Variants in GRM8 observed in about 807,000 individuals in gnomAD.
GRM8 encodes glutamate metabotropic receptor 8.
GRM8 carries 47 observed loss-of-function variants against 87.2 expected under a neutral mutation model. The ratio of observed to expected loss-of-function variants is 0.54; its 90% CI spans 0.43 to 0.69. The LOEUF (loss-of-function observed/expected upper bound fraction) is 0.69. GRM8 is among the 30% of genes least tolerant of loss of function. The probability of loss-of-function intolerance (pLI) is 0.00; values close to 1 mark genes in which losing one functional copy is unlikely to be tolerated. For missense variants in GRM8, 1,019 were observed against 1,139.2 expected (o/e 0.89, Z 1.52); for synonymous variants, 396 against 404.5 (o/e 0.98, Z 0.25).
chr7:126,512,006 A>T (rs1296359378), intron 9 of GRM8: 2 of 152,130 alleles, frequency 1.3e-5, no homozygotes, highest in Non-Finnish European at 2.9e-5. Context: ...GCTGAGTCTC[A>T]AAATTAAGGA....
At chr7:126,483,496 A>C (rs1432093052) in intron 9 of GRM8, among the ~76,000 whole-genome samples, 1 of 107,152 alleles carries the variant, frequency 9.3e-6, no homozygotes, top group Non-Finnish European at 1.7e-5. Context: ...TTCCTTCATC[A>C]TGATGCATTG....
intron 3 of GRM8, among the ~76,000 whole-genome samples, chr7:127,071,628 C>T (rs754679980): frequency 3.1e-4 from 47 of 152,248 alleles, no homozygotes; most frequent in African/African-American, 8.7e-4. Flanking sequence ...GCAACTCAGA[C>T]GTTTTTCCTA....
chr7:126,680,765 C>A (rs752121099), intron 7 of GRM8, among the ~76,000 whole-genome samples: 1 of 152,146 alleles, frequency 6.6e-6, no homozygotes, highest in Non-Finnish European at 1.5e-5. Context: ...TTGTGGTTTT[C>A]CCAGAAATAT....
At chr7:126,953,227 C>T (rs1345420958) in intron 3 of GRM8, among the ~76,000 whole-genome samples, 4 of 151,994 alleles carry the variant, frequency 2.6e-5, no homozygotes, top group Non-Finnish European at 5.9e-5. Context: ...AAAATTATAC[C>T]GGGGAAACCA....
chr7:126,650,656 T>A (rs1447844439), intron 7 of GRM8, among the ~76,000 whole-genome samples: 3 of 151,786 alleles, frequency 2.0e-5, no homozygotes. Context: ...GGGGAAGAGT[T>A]ATGTGAATAG....
chr7:127,234,486 A>G (rs1011421924), intron 2 of GRM8, among the ~76,000 whole-genome samples: 2 of 152,250 alleles, frequency 1.3e-5, no homozygotes, highest in Non-Finnish European at 2.9e-5. Context: ...AAATCCAACC[A>G]GGTGTGTGTC....
At chr7:127,120,091 G>C (rs1826943607) in intron 2 of GRM8, among the ~76,000 whole-genome samples, 1 of 152,276 alleles carries the variant, frequency 6.6e-6, no homozygotes, top group South Asian at 2.1e-4. Flanking sequence ...TGGTGCACCA[G>C]GGGTCCTCAA....
intron 7 of GRM8, among the ~76,000 whole-genome samples, chr7:126,628,662 T>A (rs1009176235): frequency 6.6e-6 from 1 of 152,186 alleles, no homozygotes; most frequent in African/African-American, 2.4e-5. Context: ...GCAAGACAAA[T>A]GTATTTTAAA....
chr7:127,242,079 T>C (rs1352837427), intron 2 of GRM8, among the ~76,000 whole-genome samples: 2 of 152,196 alleles, frequency 1.3e-5, no homozygotes, highest in Non-Finnish European at 2.9e-5. Context: ...ATTTGAACTT[T>C]TAATGCAATA....
At chr7:127,216,535 C>CAAAAA (rs796757040) in intron 2 of GRM8, among the ~76,000 whole-genome samples, 4 of 115,960 alleles carry the variant, frequency 3.4e-5, no homozygotes, top group Admixed American at 2.8e-4. Context: ...AAAAAAAAAA[C>CAAAAA]AAAAAAAAAA....
At chr7:126,931,855 A>G (rs1041635400) in intron 3 of GRM8, among the ~76,000 whole-genome samples, 5 of 152,330 alleles carry the variant, frequency 3.3e-5, no homozygotes, top group African/African-American at 1.2e-4. Flanking sequence ...TGTATAATAA[A>G]TTACAAATAC....
intron 3 of GRM8, among the ~76,000 whole-genome samples, chr7:127,068,221 A>G (rs139518401): frequency 2.0e-5 from 3 of 152,296 alleles, no homozygotes; most frequent in African/African-American, 7.2e-5. Flanking sequence ...GGGTGGTTTG[A>G]TAGTCAAAAT....
chr7:126,983,135 T>G (rs1811708219), intron 3 of GRM8, among the ~76,000 whole-genome samples: 1 of 152,006 alleles, frequency 6.6e-6, no homozygotes, highest in Non-Finnish European at 1.5e-5. Flanking sequence ...AACTTCCAGT[T>G]CAAAGGAATC....
chr7:127,000,620 T>G (rs1813633847), intron 3 of GRM8, among the ~76,000 whole-genome samples: 1 of 151,684 alleles, frequency 6.6e-6, no homozygotes, highest in Non-Finnish European at 1.5e-5. Context: ...ATGATTCCAC[T>G]TATATGGTGT....
chr7:126,800,434 C>T (rs1403105765), intron 6 of GRM8, among the ~76,000 whole-genome samples: 2 of 152,114 alleles, frequency 1.3e-5, no homozygotes, highest in Non-Finnish European at 2.9e-5. Flanking sequence ...AACTGTAATG[C>T]AGCCATGCCC....
chr7:126,945,477 C>T (rs1297237153), intron 3 of GRM8, among the ~76,000 whole-genome samples: 1 of 152,110 alleles, frequency 6.6e-6, no homozygotes, highest in Admixed American at 6.5e-5. Flanking sequence ...GTAGAAAATT[C>T]CACACCTGAC....
intron 2 of GRM8, among the ~76,000 whole-genome samples, chr7:127,110,314 G>T (rs1826231171): frequency 6.6e-6 from 1 of 152,090 alleles, no homozygotes; most frequent in South Asian, 2.1e-4. Context: ...CACTGCTGTG[G>T]CTCCCCAATC....
chr7:127,050,165 G>A (rs1467620687), intron 3 of GRM8, among the ~76,000 whole-genome samples: 1 of 152,208 alleles, frequency 6.6e-6, no homozygotes, highest in African/African-American at 2.4e-5. Context: ...ACATTTAGAA[G>A]GCCATTGCAA....
At chr7:126,492,862 A>T (rs1269493572) in intron 9 of GRM8, among the ~76,000 whole-genome samples, 2 of 152,054 alleles carry the variant, frequency 1.3e-5, no homozygotes, top group African/African-American at 4.8e-5. Flanking sequence ...CAGAAATCAC[A>T]AGTCGACACA....
Sources: allele counts gnomAD v4.1 joint callset (sites outside exome capture counted in the v4.1 genomes callset), GRCh38; gene constraint gnomAD v4.1.1; transcripts MANE v1.5; gene names NCBI Gene and HGNC (gene_info 2026-07-23, HGNC 2026-07-21).